Variants in CACNA1A observed in about 807,000 individuals in gnomAD.
The protein encoded by CACNA1A is calcium voltage-gated channel subunit alpha1 A, also known as voltage-dependent P/Q-type calcium channel subunit alpha-1A.
CACNA1A carries 57 observed loss-of-function variants against 262.4 expected under a neutral mutation model. The observed-to-expected ratio is 0.22, with a 90% CI of 0.18 to 0.27. The LOEUF is 0.27. Ranked by LOEUF, CACNA1A falls within the 10% of genes least tolerant of loss-of-function variation. The probability of loss-of-function intolerance (pLI) is 1.00; values close to 1 mark genes in which losing one functional copy is unlikely to be tolerated. For missense variants in CACNA1A, 2,526 were observed against 3,562.8 expected, an observed-to-expected ratio of 0.71 and a Z score of 7.41; for synonymous variants, 1,431 against 1,419.3, an observed-to-expected ratio of 1.01 and a Z score of -0.18.
intron 10 of CACNA1A, among the ~76,000 whole-genome samples, chr19:13,319,870 C>A (rs2058211326): frequency 1.3e-5 from 2 of 152,130 alleles, no homozygotes; most frequent in African/African-American, 4.8e-5. Context: ...AGGAAACAGG[C>A]TGAGGGGGGT....
At chr19:13,216,670 TC>T (rs940229570) in intron 38 of CACNA1A, among the ~76,000 whole-genome samples, 1 of 5,662 alleles carries the variant, frequency 1.8e-4, no homozygotes, top group Non-Finnish European at 3.0e-4. Context: ...TATCTATCTA[TC>T]TATCTATCTA....
At chr19:13,418,891 T>G (rs1317305579) in intron 3 of CACNA1A, among the ~76,000 whole-genome samples, 2 of 152,024 alleles carry the variant, frequency 1.3e-5, no homozygotes, top group African/African-American at 4.8e-5. Flanking sequence ...TTTAGATATG[T>G]TTTTTATTTT....
At chr19:13,325,253 C>T (rs995234382) in intron 10 of CACNA1A, among the ~76,000 whole-genome samples, 1 of 148,884 alleles carries the variant, frequency 6.7e-6, no homozygotes, top group Non-Finnish European at 1.5e-5. Flanking sequence ...AATCACAACA[C>T]TCTGGGAGGC....
intron 1 of CACNA1A, among the ~76,000 whole-genome samples, chr19:13,465,787 C>T (rs2145004146): frequency 6.6e-6 from 1 of 152,322 alleles, no homozygotes; most frequent in Non-Finnish European, 1.5e-5. Flanking sequence ...CTGTGTCCAG[C>T]CACATCATAT....
At chr19:13,478,702 G>A (rs775682613) in intron 1 of CACNA1A, among the ~76,000 whole-genome samples, 2 of 152,178 alleles carry the variant, frequency 1.3e-5, no homozygotes, top group East Asian at 1.9e-4. Flanking sequence ...TGGCCCAAAC[G>A]AGAATCAACA....
intron 3 of CACNA1A, among the ~76,000 whole-genome samples, chr19:13,388,012 G>A (rs1034602621): frequency 5.3e-5 from 8 of 152,112 alleles, no homozygotes; most frequent in African/African-American, 1.7e-4. Flanking sequence ...AGCATGGTTA[G>A]AAAGCAGGGG....
intron 22 of CACNA1A, among the ~76,000 whole-genome samples, chr19:13,280,073 G>A (rs4603696): frequency 0.44 from 67,157 of 151,966 alleles, 15,218 homozygotes; most frequent in East Asian, 0.74. Context: ...CCTCCCAAAG[G>A]GTCACTGTGT....
chr19:13,430,559 C>A (rs886850734), intron 3 of CACNA1A, among the ~76,000 whole-genome samples: 6 of 152,108 alleles, frequency 3.9e-5, no homozygotes, highest in African/African-American at 1.2e-4. Flanking sequence ...GAGGATGTTA[C>A]CACCTAGTCA....
intron 5 of CACNA1A, among the ~76,000 whole-genome samples, chr19:13,360,720 C>T (rs1044216378): frequency 1.7e-4 from 26 of 152,060 alleles, no homozygotes; most frequent in African/African-American, 4.1e-4. Flanking sequence ...TCAAGTGATC[C>T]GCCCGCCTCG....
intron 1 of CACNA1A, among the ~76,000 whole-genome samples, chr19:13,456,821 G>A (rs2061018720): frequency 1.3e-5 from 2 of 152,174 alleles, no homozygotes; most frequent in African/African-American, 4.8e-5. Flanking sequence ...AGTGATCAGG[G>A]AAGTGCAAAT....
chr19:13,505,878 G>A, intron 1 of CACNA1A, 54 bp downstream of exon 1: 4 of 1,551,456 alleles, frequency 2.6e-6, no homozygotes, highest in Non-Finnish European at 1.8e-6. Context: ...AAGAGGGGAG[G>A]CGGAGGGAGG....
At position 13,303,421 on chromosome 19, in the gene CACNA1A, C is replaced by T. The variant is rs577245244; in HGVS notation, c.2172+125G>A. ...GCCTTCTCTTTGCATGGTGCATCCC[C>T]GGCAAAAGTTCTAACCCTGTTCCCA... On this transcript the variant is annotated intron_variant, in intron 17 of 46. Coordinates refer to ENST00000360228, the MANE Select transcript of CACNA1A (RefSeq NM_001127222.2). 8.7e-4 allele frequency: 583 copies of T among 673,714 alleles called. 1 individual carries two copies. The highest frequency in any genetic ancestry group is 1.3e-3 in the Non-Finnish European group (500 of 397,598). The allele number at this position is 673,714 out of a possible 1,614,324, so 41.7% of individuals were successfully genotyped here.
chr19:13,402,731 TAC>T (rs1420572620), intron 3 of CACNA1A, among the ~76,000 whole-genome samples: 3 of 144,796 alleles, frequency 2.1e-5, no homozygotes, highest in African/African-American at 7.6e-5. Flanking sequence ...TATATATATA[TAC>T]ATATATATAC....
At chr19:13,361,477 G>C (rs183064303) in intron 5 of CACNA1A, among the ~76,000 whole-genome samples, 1 of 152,164 alleles carries the variant, frequency 6.6e-6, no homozygotes, top group Non-Finnish European at 1.5e-5. Context: ...TTTCAAAGAC[G>C]ACCGTGGCAT....
chr19:13,277,039 C>A, intron 23 of CACNA1A, 30 bp downstream of exon 23: 1 of 1,538,388 alleles, frequency 6.5e-7, no homozygotes. Flanking sequence ...AAAAAATTAC[C>A]GTGTGTTCTC....
At chr19:13,321,328 G>T (rs2058248577) in intron 10 of CACNA1A, among the ~76,000 whole-genome samples, 1 of 151,998 alleles carries the variant, frequency 6.6e-6, no homozygotes. Flanking sequence ...GATACTGGGC[G>T]TCCGGGCCAG....
At chr19:13,295,867 T>C (rs964821329) in intron 19 of CACNA1A, among the ~76,000 whole-genome samples, 2 of 152,224 alleles carry the variant, frequency 1.3e-5, no homozygotes, top group Non-Finnish European at 2.9e-5. Context: ...TTAATATACA[T>C]TGCATTTTCC....
At chr19:13,348,585 C>A (rs533459946) in intron 6 of CACNA1A, among the ~76,000 whole-genome samples, 1 of 152,064 alleles carries the variant, frequency 6.6e-6, no homozygotes, top group East Asian at 1.9e-4. Context: ...CGCCTGTAAT[C>A]CCGGCACTTT....
intron 3 of CACNA1A, among the ~76,000 whole-genome samples, chr19:13,395,780 C>G (rs943476256): frequency 1.3e-5 from 2 of 151,774 alleles, no homozygotes; most frequent in Non-Finnish European, 2.9e-5. Context: ...GGTCCTGCCC[C>G]ATACCCGGAA....
Sources: allele counts gnomAD v4.1 joint callset (sites outside exome capture counted in the v4.1 genomes callset), GRCh38; gene constraint gnomAD v4.1.1; transcripts MANE v1.5; gene names NCBI Gene and HGNC (gene_info 2026-07-23, HGNC 2026-07-21).